NCAM1: variants seen among roughly 807,000 people sequenced by gnomAD.
The protein encoded by NCAM1 is neural cell adhesion molecule 1.
NCAM1 carries 14 observed loss-of-function variants against 109.8 expected under a neutral mutation model. That is an observed-to-expected ratio of 0.13 (90% confidence interval 0.08 to 0.20). NCAM1 has a LOEUF of 0.20. Among genes scored for constraint, NCAM1 ranks in the 10% least tolerant of loss-of-function variants. NCAM1 has a pLI of 1.00. For missense variants in NCAM1, 774 were observed against 1,109.9 expected, an observed-to-expected ratio of 0.70 and a Z score of 4.30; for synonymous variants, 418 against 442.9, an observed-to-expected ratio of 0.94 and a Z score of 0.70.
chr11:112,979,401 A>G (rs1951091926), intron 1 of NCAM1, among the ~76,000 whole-genome samples: 1 of 151,818 alleles, frequency 6.6e-6, no homozygotes, highest in Admixed American at 6.6e-5. Context: ...ATTGTCTTTT[A>G]TTTGTGATTC....
chr11:113,212,556 TA>T (rs1427868942), intron 7 of NCAM1, among the ~76,000 whole-genome samples: 1 of 152,134 alleles, frequency 6.6e-6, no homozygotes, highest in African/African-American at 2.4e-5. Context: ...GACAAGATTT[TA>T]AGGGGCCCCA....
At chr11:112,998,270 G>T (rs1951652493) in intron 1 of NCAM1, among the ~76,000 whole-genome samples, 1 of 152,120 alleles carries the variant, frequency 6.6e-6, no homozygotes, top group African/African-American at 2.4e-5. Flanking sequence ...CTGAACTGTG[G>T]TCAGTTCACC....
chr11:113,069,852 A>G (rs1202143142), intron 1 of NCAM1, among the ~76,000 whole-genome samples: 1 of 152,220 alleles, frequency 6.6e-6, no homozygotes, highest in Non-Finnish European at 1.5e-5. Flanking sequence ...TTGGAGATAC[A>G]GTGAGACCAC....
intron 15 of NCAM1, among the ~76,000 whole-genome samples, chr11:113,248,716 C>A (rs539144510): frequency 2.0e-5 from 3 of 152,086 alleles, no homozygotes; most frequent in Non-Finnish European, 2.9e-5. Flanking sequence ...AGTGGGACAG[C>A]GTTTACAGAA....
chr11:113,169,280 C>T (rs1377380838), intron 1 of NCAM1, among the ~76,000 whole-genome samples: 3 of 152,084 alleles, frequency 2.0e-5, no homozygotes, highest in Non-Finnish European at 4.4e-5. Context: ...TTTCAACTTG[C>T]CTTTATTGGT....
At chr11:113,037,752 C>T (rs1046883122) in intron 1 of NCAM1, among the ~76,000 whole-genome samples, 1 of 152,208 alleles carries the variant, frequency 6.6e-6, no homozygotes, top group African/African-American at 2.4e-5. Flanking sequence ...GTTGCTCCCA[C>T]TTTCTGCTTC....
At chr11:113,133,132 G>A (rs1941466629) in intron 1 of NCAM1, 1 of 152,216 alleles carries the variant, frequency 6.6e-6, no homozygotes, top group South Asian at 2.1e-4. Context: ...GACAAGCTCA[G>A]GAGGGAAGTC....
intron 1 of NCAM1, among the ~76,000 whole-genome samples, chr11:113,165,602 G>T (rs1413782309): frequency 6.6e-6 from 1 of 152,040 alleles, no homozygotes; most frequent in Non-Finnish European, 1.5e-5. Context: ...CCCCCGATGG[G>T]ACCATTATGA....
chr11:113,221,236 A>G, intron 8 of NCAM1, 60 bp from the exon 9 acceptor site: 1 of 1,525,748 alleles, frequency 6.6e-7, no homozygotes, highest in East Asian at 2.5e-5. Context: ...CATTCTCTAA[A>G]GCAACATGTT....
At chr11:113,029,378 G>C (rs945408169) in intron 1 of NCAM1, among the ~76,000 whole-genome samples, 2 of 152,200 alleles carry the variant, frequency 1.3e-5, no homozygotes, top group African/African-American at 4.8e-5. Context: ...TTAAAAAACA[G>C]TGGTGCCATG....
At chr11:113,202,323 A>G in intron 1 of NCAM1, 56 bp from the exon 2 acceptor site, 1 of 1,383,616 alleles carries the variant, frequency 7.2e-7, no homozygotes, top group Non-Finnish European at 9.9e-7. Flanking sequence ...TTTGAACTGA[A>G]CTTTGTGGGT....
intron 1 of NCAM1, among the ~76,000 whole-genome samples, chr11:113,124,158 C>T (rs1555096612): frequency 6.6e-6 from 1 of 152,194 alleles, no homozygotes. Context: ...GCTACTCTCA[C>T]TAGGCAGAAG....
intron 1 of NCAM1, among the ~76,000 whole-genome samples, chr11:113,050,204 G>T (rs1198502072): frequency 2.6e-5 from 4 of 152,046 alleles, no homozygotes; most frequent in African/African-American, 9.7e-5. Context: ...ATATTCGGCT[G>T]GATATGATTT....
At chr11:113,136,824 A>G (rs1212484775) in intron 1 of NCAM1, among the ~76,000 whole-genome samples, 2 of 152,150 alleles carry the variant, frequency 1.3e-5, no homozygotes, top group Non-Finnish European at 2.9e-5. Context: ...AAGGCCGGCA[A>G]TAGACAACAG....
intron 1 of NCAM1, among the ~76,000 whole-genome samples, chr11:113,063,715 T>C (rs1213007775): frequency 6.6e-6 from 1 of 152,180 alleles, no homozygotes; most frequent in Non-Finnish European, 1.5e-5. Context: ...AAACCTTGTC[T>C]ATGCTAAGAA....
intron 6 of NCAM1, 36 bp downstream of exon 6, chr11:113,207,414 G>C: frequency 6.5e-7 from 1 of 1,534,236 alleles, no homozygotes; most frequent in Non-Finnish European, 9.0e-7. Context: ...TCATGGACTA[G>C]AGGAGAATGG....
At chr11:113,104,698 A>G (rs912247587) in intron 1 of NCAM1, among the ~76,000 whole-genome samples, 1 of 152,174 alleles carries the variant, frequency 6.6e-6, no homozygotes, top group Non-Finnish European at 1.5e-5. Context: ...ACATAGCCTT[A>G]TAATTACTGA....
chr11:113,219,811 G>A (rs782774757), intron 8 of NCAM1, among the ~76,000 whole-genome samples: 6 of 152,208 alleles, frequency 3.9e-5, no homozygotes, highest in Admixed American at 1.3e-4. Context: ...GCATGTAACC[G>A]ACAAGCTTCT....
chr11:112,979,125 G>C (rs1169540926), intron 1 of NCAM1, among the ~76,000 whole-genome samples: 9 of 151,464 alleles, frequency 5.9e-5, no homozygotes, highest in African/African-American at 2.4e-5. Flanking sequence ...GTGGTCCATA[G>C]ACTTTGAGTG....
Sources: gnomAD v4.1 joint callset for allele counts (sites outside exome capture counted in the v4.1 genomes callset) on GRCh38, gnomAD v4.1.1 for gene constraint, MANE v1.5 for transcripts, NCBI Gene and HGNC (gene_info 2026-07-23, HGNC 2026-07-21) for gene names.